Variants in SNAPC4 observed in about 807,000 individuals in gnomAD.
The protein encoded by SNAPC4 is small nuclear RNA activating complex polypeptide 4, also known as snRNA-activating protein complex subunit 4.
Under a neutral mutation model 151.3 loss-of-function variants are expected in SNAPC4, and 127 were observed. That is an observed-to-expected ratio of 0.84 (90% confidence interval 0.73 to 0.97). The LOEUF is 0.97. SNAPC4 is among the 50% of genes least tolerant of loss of function. SNAPC4 has a pLI of 0.00. For synonymous variants in SNAPC4, 1,002 were observed against 824.4 expected (o/e 1.22, Z -3.69); for missense variants, 2,186 against 1,935.0 (o/e 1.13, Z -2.43).
Position 136,378,549 on chromosome 9 carries a change from A to G in SNAPC4, c.3278T>C (p.Val1093Ala). 6.3e-7 allele frequency: 1 copy of G among 1,592,286 alleles called. No individual in the cohort carries two copies. Among genetic ancestry groups the G allele is most frequent in the South Asian group, 1.1e-5 (1 of 89,214 alleles). Reference sequence around the variant, plus strand: ...CCCTGCTGGCCTGGGAAGGCTCACCACAGCTGGTACAGGAACAGGGAGAAG... The same window carrying G: ...CCCTGCTGGCCTGGGAAGGCTCACCGCAGCTGGTACAGGAACAGGGAGAAG... ...QGLLPVPVPAVVSLPRPAGTP... is the reference protein window; with the variant it reads ...QGLLPVPVPAAVSLPRPAGTP... Residue 1093 changes from valine (V) to alanine (A), a missense_variant, in exon 22 of 24, where the codon GTG becomes GCG. Physicochemically the swap from Val to Ala is moderately conservative, Grantham distance 64. Transcript: ENST00000684778.
At chr9:136,382,671 C>T (rs1833742296) in intron 16 of SNAPC4, among the ~76,000 whole-genome samples, 1 of 152,236 alleles carries the variant, frequency 6.6e-6, no homozygotes. Context: ...CTGCCAGTAG[C>T]TTCAGTGTCC....
At position 136,377,687 on chromosome 9, in the gene SNAPC4, G is replaced by T; in HGVS notation, c.4140C>A (p.Thr1380=). Residue 1380 remains threonine (T), a synonymous_variant, in exon 22 of 24, where the codon ACC becomes ACA. Coordinates refer to ENST00000684778, the MANE Select transcript of SNAPC4 (RefSeq NM_003086.4). The stretch of plus-strand genomic sequence containing the variant: ...TGGTGCGGACGCCTTGGGGGGCCAG[G>T]GTGGCCAGGAGCGCAGGGAGGGTGA... ...AAFTLPALLA[T]LAPQGVRTTL... The T allele has an allele frequency of 1.9e-6, 3 of 1,608,238 alleles. No homozygotes were observed. The highest frequency in any genetic ancestry group is 1.7e-4 in the Middle Eastern group (1 of 6,040).
rs1834126282 is a variant in SNAPC4, at chr9:136,392,780, G to A, written c.633-3C>T. ...GCTTCTGGTGCAAGTACTCGAGCCT[G>A]CAAAGCAGAGCAGAGGCAGAAGGGC... On this transcript the variant is annotated splice_region_variant and splice_polypyrimidine_tract_variant and intron_variant, in intron 7 of 23. Transcript: ENST00000684778. 1.2e-6 allele frequency: 2 copies of A among 1,612,688 alleles called. No homozygotes were observed. Among genetic ancestry groups the A allele is most frequent in the African/African-American group, 2.7e-5 (2 of 74,948 alleles).
At chr9:136,380,509 C>T (rs1051462891) in intron 20 of SNAPC4, among the ~76,000 whole-genome samples, 7 of 152,312 alleles carry the variant, frequency 4.6e-5, no homozygotes, top group East Asian at 1.9e-4. Flanking sequence ...GACCGCCCAG[C>T]GGGGCTATGG....
intron 10 of SNAPC4, 85 bp downstream of exon 10, chr9:136,391,857 C>T: frequency 1.4e-6 from 2 of 1,437,370 alleles, no homozygotes; most frequent in African/African-American, 1.4e-5. Flanking sequence ...GCACTGGGGA[C>T]CCCGCACCCG....
At chr9:136,382,440 A>C in intron 16 of SNAPC4, 104 bp from the exon 17 acceptor site, 1 of 991,768 alleles carries the variant, frequency 1.0e-6, no homozygotes, top group Admixed American at 2.0e-5. Context: ...CAGGCTCCAA[A>C]GCGTGGCTGT....
intron 13 of SNAPC4, among the ~76,000 whole-genome samples, chr9:136,385,834 G>A (rs1588752397): frequency 1.3e-5 from 2 of 152,086 alleles, no homozygotes; most frequent in South Asian, 2.1e-4. Flanking sequence ...GATTACAGGC[G>A]TGAGCCACCG....
At chr9:136,381,643 G>A (rs1313858497) in intron 18 of SNAPC4, among the ~76,000 whole-genome samples, 181 bp downstream of exon 18, 1 of 152,194 alleles carries the variant, frequency 6.6e-6, no homozygotes, top group East Asian at 1.9e-4. Flanking sequence ...GGGAGGGCTG[G>A]CTGTGACTGG....
Position 136,388,443 on chromosome 9 carries a change from C to G in SNAPC4, c.1123+1G>C. ...GAGCCGTCGGGGTGGAGGGGCCTCACTTCTGCGGTAGGGGATGTGGCTGCC... is the reference window on the plus strand; with the variant it reads ...GAGCCGTCGGGGTGGAGGGGCCTCAGTTCTGCGGTAGGGGATGTGGCTGCC... On this transcript the variant is annotated splice_donor_variant, in intron 11 of 23. Coordinates refer to ENST00000684778, the MANE Select transcript of SNAPC4 (RefSeq NM_003086.4). LOFTEE classifies it high-confidence loss of function. 6.2e-7 allele frequency: 1 copy of G among 1,612,636 alleles called. No homozygotes were observed. Among genetic ancestry groups the G allele is most frequent in the Admixed American group, 1.7e-5 (1 of 59,994 alleles).
Position 136,378,326 on chromosome 9 carries a change from C to CAG in SNAPC4, c.3500_3501insCT (p.Asp1168TrpfsTer240). ...CAGGGACAAAGGCCACACTGCCATCCGCTTCTGCAGGACTTTGGGAGAGGG... is the reference window on the plus strand; with the variant it reads ...CAGGGACAAAGGCCACACTGCCATCCAGGCTTCTGCAGGACTTTGGGAGAGGG... On this transcript the variant is annotated frameshift_variant, in exon 22 of 24. Coordinates refer to ENST00000684778, the MANE Select transcript of SNAPC4 (RefSeq NM_003086.4). LOFTEE classifies it high-confidence loss of function. 1 of 1,605,044 alleles carries CAG rather than the reference C, an allele frequency of 6.2e-7. No individual in the cohort carries two copies. The highest frequency in any genetic ancestry group is 8.5e-7 in the Non-Finnish European group (1 of 1,176,478).
At position 136,378,292 on chromosome 9, in the gene SNAPC4, G is replaced by A. The variant is rs781409934; in HGVS notation, c.3535C>T (p.Gln1179Ter). 6.2e-7 allele frequency: 1 copy of A among 1,604,668 alleles called. No homozygotes were observed. Among genetic ancestry groups the A allele is most frequent in the South Asian group, 1.1e-5 (1 of 89,636 alleles). Residue 1179 changes from glutamine (Q) to a stop codon, truncating the protein, a stop_gained, in exon 22 of 24, where the codon CAG becomes TAG. Transcript: ENST00000684778. LOFTEE classifies it high-confidence loss of function. ...GGCTCAGGTATCTCCCTGGCCACCT[G>A]GGCCTCTCCAGGGACAAAGGCCACA... ...GSVAFVPGEA[Q>*]VAREIPEPRT...
chr9:136,399,500 C>A (rs1015510535), intron 1 of SNAPC4, among the ~76,000 whole-genome samples: 1 of 152,242 alleles, frequency 6.6e-6, no homozygotes, highest in Non-Finnish European at 1.5e-5. Context: ...GCCTCCCCCT[C>A]CCCGTGTCGC....
At position 136,394,875 on chromosome 9, in the gene SNAPC4, G is replaced by T; in HGVS notation, c.475C>A (p.Pro159Thr). 5.6e-6 allele frequency: 9 copies of T among 1,613,624 alleles called. No individual in the cohort carries two copies. Among genetic ancestry groups the T allele is most frequent in the Non-Finnish European group, 7.6e-6 (9 of 1,179,814 alleles). ...YFKDKVTGVG[P>T]PANEDTREKA... The stretch of plus-strand genomic sequence containing the variant: ...TCTCGTGTGTCCTCGTTGGCAGGTG[G>T]CCCCTGTCAGGGTGCACGGCATCAC... Residue 159 changes from proline to threonine, a missense_variant, in exon 6 of 24, where the codon CCA becomes ACA. Physicochemically the swap from Pro to Thr is conservative, Grantham distance 38. Transcript: ENST00000684778.
Position 136,379,030 on chromosome 9 carries a change from G to C in SNAPC4, c.2797C>G (p.Leu933Val), listed in dbSNP as rs373344004. 11 of 1,598,048 alleles carry C rather than the reference G, an allele frequency of 6.9e-6. No individual in the cohort carries two copies. The highest frequency in any genetic ancestry group is 9.4e-6 in the Non-Finnish European group (11 of 1,173,022). ...VSSSVILQPPLPHTPHGRPAP... is the reference protein window; with the variant it reads ...VSSSVILQPPVPHTPHGRPAP... ...GGGCGGCCGTGTGGGGTGTGTGGTA[G>C]AGGGGGCTGGAGGATCACAGACGAG... The change falls in exon 22 of 24, where the codon CTA becomes GTA. Residue 933 changes from leucine (L) to valine (V), a missense_variant. Coordinates refer to ENST00000684778, the MANE Select transcript of SNAPC4 (RefSeq NM_003086.4).
chr9:136,392,116 C>T lies in SNAPC4; in HGVS notation c.811-10G>A. The T allele has an allele frequency of 2.5e-6, 4 of 1,611,028 alleles. No homozygotes were observed. Among genetic ancestry groups the T allele is most frequent in the Non-Finnish European group, 3.4e-6 (4 of 1,180,002 alleles). On this transcript the variant is annotated splice_polypyrimidine_tract_variant and intron_variant, in intron 9 of 23. Coordinates refer to ENST00000684778, the MANE Select transcript of SNAPC4 (RefSeq NM_003086.4). Reference sequence around the variant, plus strand: ...TGCGGCTGCCTTCAAACTGCACCGACAGAGACACTCAGCCTTGCAGGCCAC... The same window carrying T: ...TGCGGCTGCCTTCAAACTGCACCGATAGAGACACTCAGCCTTGCAGGCCAC...
Position 136,378,338 on chromosome 9 carries a change from A to G in SNAPC4, c.3489T>C (p.Ser1163=). ...PAPPTHALSQ[S]PAEADGSVAF... The stretch of plus-strand genomic sequence containing the variant: ...CCACACTGCCATCCGCTTCTGCAGG[A>G]CTTTGGGAGAGGGCGTGTGTGGGAG... The change falls in exon 22 of 24, where the codon AGT becomes AGC. Residue 1163 remains serine (S), a synonymous_variant. Coordinates refer to ENST00000684778, the MANE Select transcript of SNAPC4 (RefSeq NM_003086.4). 2 of 1,607,412 alleles carry G rather than the reference A, an allele frequency of 1.2e-6. No homozygotes were observed. Among genetic ancestry groups the G allele is most frequent in the Non-Finnish European group, 1.7e-6 (2 of 1,177,660 alleles).
Position 136,377,976 on chromosome 9 carries a change from T to A in SNAPC4, c.3851A>T (p.Gln1284Leu), listed in dbSNP as rs1301285989. 6.2e-7 allele frequency: 1 copy of A among 1,604,046 alleles called. No individual in the cohort carries two copies. The highest frequency in any genetic ancestry group is 8.5e-7 in the Non-Finnish European group (1 of 1,175,668). The change falls in exon 22 of 24, where the codon CAG becomes CTG. Residue 1284 changes from glutamine to leucine, a missense_variant. Gln to Leu is a moderately radical substitution (Grantham distance 113, BLOSUM62 -2). Transcript: ENST00000684778. Reference sequence around the variant, plus strand: ...CACCCCCCGCTGGCCCCCCAGCCACTGCTGTGTGGCCGCCTCGCCCTCCTG... The same window carrying A: ...CACCCCCCGCTGGCCCCCCAGCCACAGCTGTGTGGCCGCCTCGCCCTCCTG... Reference protein sequence around the residue: ...LSQEGEAATQQWLGGQRGVRV... With the variant: ...LSQEGEAATQLWLGGQRGVRV...
chr9:136,377,892 C>T lies in SNAPC4; in HGVS notation c.3935G>A (p.Arg1312Gln), dbSNP rs771245174. Residue 1312 changes from arginine (R) to glutamine (Q), a missense_variant, in exon 22 of 24, where the codon CGA becomes CAA. Arg to Gln is a conservative substitution (Grantham distance 43, BLOSUM62 1). Transcript: ENST00000684778. ...PYQPPALCSL[R>Q]ALSGLLLHKK... ...GTGGAGTAGGAGACCGGACAGAGCT[C>T]GCAGGCTGCACAGGGCTGGGGGCTG... The T allele has an allele frequency of 1.8e-5, 29 of 1,611,262 alleles. No individual in the cohort carries two copies. The East Asian group carries it at 2.0e-4, about 11-fold the overall frequency.
At position 136,392,698 on chromosome 9, in the gene SNAPC4, C is replaced by T; in HGVS notation, c.712G>A (p.Ala238Thr). 6.2e-7 allele frequency: 1 copy of T among 1,613,790 alleles called. No homozygotes were observed. Among genetic ancestry groups the T allele is most frequent in the Non-Finnish European group, 8.5e-7 (1 of 1,180,024 alleles). The part of the protein sequence containing the change: ...RQALEKQGRE[A>T]EKEIQDINQL... ...TTGATGTCCTGGATCTCCTTCTCGG[C>T]TTCCCTGCCCTGCTTCTCCAGGGCT... The change falls in exon 8 of 24, where the codon GCC (alanine) becomes ACC (threonine). Residue 238 changes from alanine (A) to threonine (T), a missense_variant. Coordinates refer to ENST00000684778, the MANE Select transcript of SNAPC4 (RefSeq NM_003086.4).
Sources: allele counts gnomAD v4.1 joint callset (sites outside exome capture counted in the v4.1 genomes callset), GRCh38; gene constraint gnomAD v4.1.1; transcripts MANE v1.5; gene names NCBI Gene and HGNC (gene_info 2026-07-23, HGNC 2026-07-21).